Variants in ST3GAL2 observed in about 807,000 individuals in gnomAD.
ST3GAL2 encodes CMP-N-acetylneuraminate-beta-galactosamide-alpha-2,3-sialyltransferase 2.
ST3GAL2 carries 16 observed loss-of-function variants against 37.5 expected under a neutral mutation model. The ratio of observed to expected loss-of-function variants is 0.43; its 90% confidence interval spans 0.29 to 0.65. The LOEUF (loss-of-function observed/expected upper bound fraction) is 0.65, where lower values mean the gene tolerates loss of function less well. Ranked by LOEUF, ST3GAL2 falls within the 30% of genes least tolerant of loss-of-function variation. ST3GAL2 has a pLI of 0.17. For missense variants in ST3GAL2, 383 were observed against 487.8 expected (o/e 0.79, Z 2.02); for synonymous variants, 238 against 202.9 (o/e 1.17, Z -1.47).
intron 1 of ST3GAL2, among the ~76,000 whole-genome samples, chr16:70,430,007 T>C (rs989592883): frequency 2.0e-5 from 3 of 152,182 alleles, no homozygotes; most frequent in Non-Finnish European, 4.4e-5. Flanking sequence ...GACCAAGCCC[T>C]AGACTGTGAA....
At chr16:70,410,856 A>G (rs2047633682) in intron 1 of ST3GAL2, among the ~76,000 whole-genome samples, 2 of 138,880 alleles carry the variant, frequency 1.4e-5, no homozygotes, top group Non-Finnish European at 3.0e-5. Flanking sequence ...TGTAGCAGAC[A>G]CTGTTGGCTG....
intron 3 of ST3GAL2, 86 bp downstream of exon 3, chr16:70,394,896 T>A: frequency 6.8e-7 from 1 of 1,472,552 alleles, no homozygotes. Context: ...GCTGGCAGCA[T>A]GCACCCTGCC....
chr16:70,398,768 A>T lies in ST3GAL2; in HGVS notation c.-238T>A. On this transcript the variant is annotated 5_prime_UTR_variant, in exon 2 of 7. It removes an upstream start codon present in the reference 5' UTR. Transcript: ENST00000342907. ...AGGCGGGGCCCCTGCTTAGGGCTTC[A>T]TCGGGTCTCTCCGTCACTAGCTAGG... is the stretch of plus-strand genomic sequence containing the variant. 2 of 587,796 alleles carry T rather than the reference A, an allele frequency of 3.4e-6. 1 individual carries two copies. Among genetic ancestry groups the T allele is most frequent in the South Asian group, 4.3e-5 (2 of 46,934 alleles). 36.4% of individuals were successfully genotyped at this position (587,796 alleles called of 1,614,324 possible). A position where few individuals can be genotyped will look rare whatever the true frequency, so the allele number is the denominator to read the frequency against.
intron 1 of ST3GAL2, among the ~76,000 whole-genome samples, chr16:70,429,348 C>T (rs980169609): frequency 2.0e-5 from 3 of 152,084 alleles, no homozygotes; most frequent in African/African-American, 4.8e-5. Context: ...AATCCCAGCA[C>T]TTTGGGAGGC....
chr16:70,407,421 G>A (rs1171961586), intron 1 of ST3GAL2, among the ~76,000 whole-genome samples: 1 of 152,214 alleles, frequency 6.6e-6, no homozygotes, highest in African/African-American at 2.4e-5. Flanking sequence ...AATTACAGGT[G>A]TGAGCCACTG....
intron 3 of ST3GAL2, among the ~76,000 whole-genome samples, chr16:70,393,991 C>T (rs1464491460): frequency 2.6e-5 from 4 of 152,112 alleles, no homozygotes; most frequent in Non-Finnish European, 5.9e-5. Context: ...ACCAAGGAGT[C>T]GGGTAGGAGG....
At position 70,398,333 on chromosome 16, in the gene ST3GAL2, C is replaced by G. The variant is rs62638718; in HGVS notation, c.198G>C (p.Ser66=). Residue 66 remains serine, a synonymous_variant, in exon 2 of 7, where the codon TCG becomes TCC. Transcript: ENST00000342907. ...GLQRLSKERL[S]GKSCACRRCM... is the part of the protein sequence containing the mutation. ...AGCGGCGACAGGCACAGCTCTTGCC[C>G]GAGAGCCTCTCCTTGCTGAGGCGCT... 7.4e-5 allele frequency: 120 copies of G among 1,613,470 alleles called. No individual in the cohort carries two copies. In the South Asian group the frequency reaches 1.3e-3, roughly 17 times the overall value.
At chr16:70,437,968 G>A (rs1567680379) in intron 1 of ST3GAL2, among the ~76,000 whole-genome samples, 2 of 152,142 alleles carry the variant, frequency 1.3e-5, no homozygotes, top group Non-Finnish European at 2.9e-5. Context: ...GTCCCTGCCT[G>A]CCCCCAGCAC....
rs1375060989 is a variant in ST3GAL2 at position 70,406,711 on chromosome 16, G to T, written c.-1003-7178C>A. Among the ~76,000 whole-genome samples, 5 of 152,196 alleles carry T rather than the reference G, an allele frequency of 3.3e-5. No homozygotes were observed. The East Asian group carries it at 9.7e-4, about 29-fold the overall frequency. ...CAGGAGACTCGCTTGAACCTGGGAG[G>T]TGGAGGTTGCGGTGAGCCAAGATCG... On this transcript the variant is annotated intron_variant, in intron 1 of 6. Coordinates refer to ENST00000342907, the MANE Select transcript of ST3GAL2 (RefSeq NM_006927.4).
At position 70,399,492 on chromosome 16, in the gene ST3GAL2, T is replaced by A. The variant is rs1387381793; in HGVS notation, c.-962A>T. 2.5e-6 allele frequency: 1 copy of A among 398,384 alleles called. No homozygotes were observed. The highest frequency in any genetic ancestry group is 2.1e-5 in the African/African-American group (1 of 48,596). 24.7% of individuals were successfully genotyped at this position (398,384 alleles called of 1,614,324 possible). ...GAGCTCACAGTAATCCCCTGGCAGG[T>A]TCCCCTTCACATGTCGGGCGCCAGG... On this transcript the variant is annotated 5_prime_UTR_variant, in exon 2 of 7. Coordinates refer to ENST00000342907, the MANE Select transcript of ST3GAL2 (RefSeq NM_006927.4).
chr16:70,435,549 C>T (rs1246795432), intron 1 of ST3GAL2, among the ~76,000 whole-genome samples: 6 of 151,100 alleles, frequency 4.0e-5, no homozygotes, highest in Admixed American at 2.0e-4. Context: ...GGTGAGCCGA[C>T]ATCGTGCCAT....
chr16:70,435,629 T>A (rs954799451), intron 1 of ST3GAL2, among the ~76,000 whole-genome samples: 45 of 145,828 alleles, frequency 3.1e-4, no homozygotes, highest in African/African-American at 5.9e-4. Flanking sequence ...AAATAAATTT[T>A]AAAAAAATAC....
At chr16:70,408,203 C>T (rs558751825) in intron 1 of ST3GAL2, among the ~76,000 whole-genome samples, 3 of 152,270 alleles carry the variant, frequency 2.0e-5, no homozygotes, top group Admixed American at 6.5e-5. Flanking sequence ...GATGCTTTAA[C>T]GCCATGCCAG....
At chr16:70,403,155 A>G (rs1237113369) in intron 1 of ST3GAL2, among the ~76,000 whole-genome samples, 1 of 152,070 alleles carries the variant, frequency 6.6e-6, no homozygotes, top group Non-Finnish European at 1.5e-5. Flanking sequence ...GGTGGTGAGA[A>G]ATGGCTGGAT....
At chr16:70,438,923 CG>C (rs1019790487) in intron 1 of ST3GAL2, 25 bp downstream of exon 1, 3 of 151,338 alleles carry the variant, frequency 2.0e-5, no homozygotes, top group Non-Finnish European at 4.4e-5. Flanking sequence ...CTCTGCATCC[CG>C]CCCGCCCTCA....
intron 3 of ST3GAL2, 84 bp downstream of exon 3, chr16:70,394,898 C>T: frequency 1.4e-6 from 2 of 1,476,616 alleles, no homozygotes; most frequent in Non-Finnish European, 1.8e-6. Flanking sequence ...TGGCAGCATG[C>T]ACCCTGCCAG....
chr16:70,419,885 G>A (rs1010098472), intron 1 of ST3GAL2, among the ~76,000 whole-genome samples: 2 of 152,070 alleles, frequency 1.3e-5, no homozygotes, highest in Non-Finnish European at 2.9e-5. Context: ...GAACCACTGG[G>A]GCCAGGCAAT....
chr16:70,395,528 G>A (rs951357935), intron 2 of ST3GAL2, among the ~76,000 whole-genome samples: 5 of 152,170 alleles, frequency 3.3e-5, no homozygotes, highest in African/African-American at 1.2e-4. Flanking sequence ...CTCCTTCAGG[G>A]GATCCTTCCT....
chr16:70,410,831 CTG>C (rs1273081199), intron 1 of ST3GAL2, among the ~76,000 whole-genome samples: 1 of 81,202 alleles, frequency 1.2e-5, no homozygotes, highest in African/African-American at 4.6e-5. Context: ...TTTTTTGTCT[CTG>C]TGTTTTGCCG....
Sources: allele counts gnomAD v4.1 joint callset (sites outside exome capture counted in the v4.1 genomes callset), GRCh38; gene constraint gnomAD v4.1.1; transcripts MANE v1.5; gene names NCBI Gene and HGNC (gene_info 2026-07-23, HGNC 2026-07-21).